Variants in JAKMIP1 observed in about 807,000 individuals in gnomAD.
JAKMIP1 encodes the protein janus kinase and microtubule interacting protein 1.
JAKMIP1 carries 33 observed loss-of-function variants against 113.0 expected under a neutral mutation model. The ratio of observed to expected loss-of-function variants is 0.29; its 90% confidence interval spans 0.22 to 0.39. The LOEUF (loss-of-function observed/expected upper bound fraction) is 0.39. Ranked by LOEUF, JAKMIP1 falls within the 10% of genes least tolerant of loss-of-function variation. JAKMIP1 has a pLI of 1.00. For synonymous variants in JAKMIP1, 480 were observed against 459.9 expected, an observed-to-expected ratio of 1.04 and a Z score of -0.56; for missense variants, 813 against 1,080.5, an observed-to-expected ratio of 0.75 and a Z score of 3.47.
Position 6,042,672 on chromosome 4 carries a change from T to C in JAKMIP1, c.2029-445A>G, listed in dbSNP as rs1246979030. ...GTAAAGACATGGAGGCTGAGTTAAGTAACTTGTCCAAGGTCACACGGGTGC... is the reference window on the plus strand; with the variant it reads ...GTAAAGACATGGAGGCTGAGTTAAGCAACTTGTCCAAGGTCACACGGGTGC... On this transcript the variant is annotated intron_variant, in intron 16 of 20. Transcript: ENST00000409021. This position sits in a 1 kb window ranked among gnomAD's most constrained non-coding sequence, Gnocchi z 5.2. Among the ~76,000 whole-genome samples the C allele has an allele frequency of 6.6e-6, 1 of 151,824 alleles. No homozygotes were observed. Among genetic ancestry groups the C allele is most frequent in the East Asian group, 2.0e-4 (1 of 5,112 alleles).
At chr4:6,169,734 T>C (rs1313854048) in intron 1 of JAKMIP1, among the ~76,000 whole-genome samples, 2 of 151,764 alleles carry the variant, frequency 1.3e-5, no homozygotes. Flanking sequence ...TACCAGGGTT[T>C]GAATCCCAAC....
In JAKMIP1 at chr4:6,080,297, C is replaced by A. The variant is rs199727362; in HGVS notation, c.1117G>T (p.Ala373Ser). 1 of 1,614,004 alleles carries A rather than the reference C, an allele frequency of 6.2e-7. No individual in the cohort carries two copies. The highest frequency in any genetic ancestry group is 2.2e-5 in the East Asian group (1 of 44,882). Reference sequence around the variant, plus strand: ...GTATGCCGCTTCAGAGACGCCTGCGCTGACAGCTTTTCTTTCTGCAGCCAC... The same window carrying A: ...GTATGCCGCTTCAGAGACGCCTGCGATGACAGCTTTTCTTTCTGCAGCCAC... ...ENVEMKEKLS[A>S]QASLKRHTSL... is the part of the protein sequence containing the mutation. Residue 373 changes from alanine to serine, a missense_variant, in exon 7 of 21, where the codon GCG (alanine) becomes TCG (serine). This residue lies in a region of JAKMIP1 where 540 missense variants were observed against 653.9 expected (regional missense o/e 0.83). Coordinates refer to ENST00000409021, the MANE Select transcript of JAKMIP1 (RefSeq NM_001099433.2). The surrounding 1 kb of genome is among the most constrained non-coding windows in gnomAD (Gnocchi z 6.0).
At chr4:6,052,880 C>T (rs1400865606) in intron 13 of JAKMIP1, among the ~76,000 whole-genome samples, 1 of 152,108 alleles carries the variant, frequency 6.6e-6, no homozygotes, top group East Asian at 1.9e-4. Context: ...TCATGCTGAG[C>T]CAAGAGCTGA....
At chr4:6,041,153 T>G (rs557268238) in intron 17 of JAKMIP1, among the ~76,000 whole-genome samples, 1 of 152,294 alleles carries the variant, frequency 6.6e-6, no homozygotes, top group Non-Finnish European at 1.5e-5. Context: ...AGCACACTTC[T>G]CCCTGCCTCC....
chr4:6,100,605 TAC>T (rs773705870), intron 3 of JAKMIP1, among the ~76,000 whole-genome samples: 66 of 152,228 alleles, frequency 4.3e-4, no homozygotes, highest in Non-Finnish European at 7.6e-4. Flanking sequence ...GGAGTAGAAT[TAC>T]AGAGTCCGTA....
Position 6,178,235 on chromosome 4 carries a change from C to T in JAKMIP1, c.-148+22018G>A, listed in dbSNP as rs766993332. On this transcript the variant is annotated intron_variant, in intron 1 of 20. Coordinates refer to ENST00000409021, the MANE Select transcript of JAKMIP1 (RefSeq NM_001099433.2). The surrounding 1 kb of genome is among the most constrained non-coding windows in gnomAD (Gnocchi z 5.5). The stretch of plus-strand genomic sequence containing the variant: ...TGTATCTCATTTTTGAATTGAGAGA[C>T]GTGGCTACCTTTCAGGTAAGCAGCT... 2.0e-5 allele frequency among the ~76,000 whole-genome samples: 3 copies of T among 152,204 alleles called. No individual in the cohort carries two copies. Among genetic ancestry groups the T allele is most frequent in the African/African-American group, 7.2e-5 (3 of 41,464 alleles).
chr4:6,138,434 G>A lies in JAKMIP1; in HGVS notation c.-147-25437C>T, dbSNP rs1014168012. 1.1e-4 allele frequency among the ~76,000 whole-genome samples: 16 copies of A among 151,704 alleles called. No individual in the cohort carries two copies. Among genetic ancestry groups the A allele is most frequent in the African/African-American group, 2.7e-4 (11 of 41,244 alleles). ...GTATTTTTAGTAGAGATGGGGTTTC[G>A]CCATGTTGACCAGGCTGGTCTCAAA... On this transcript the variant is annotated intron_variant, in intron 1 of 20. Coordinates refer to ENST00000409021, the MANE Select transcript of JAKMIP1 (RefSeq NM_001099433.2). This position sits in a 1 kb window ranked among gnomAD's most constrained non-coding sequence, Gnocchi z 6.0.
chr4:6,045,246 C>T (rs73073421), intron 16 of JAKMIP1, among the ~76,000 whole-genome samples: 1 of 152,212 alleles, frequency 6.6e-6, no homozygotes, highest in East Asian at 1.9e-4. Flanking sequence ...CTGGCTGAGG[C>T]CGGTGTCTTT....
In JAKMIP1 at chr4:6,192,663, G is replaced by C. The variant is rs751864696; in HGVS notation, c.-148+7590C>G. Reference sequence around the variant, plus strand: ...AGCAGTGATTACTTATTGCACACCTGCTCTGTGCCAATGCCCAAGGCTGAC... The same window carrying C: ...AGCAGTGATTACTTATTGCACACCTCCTCTGTGCCAATGCCCAAGGCTGAC... On this transcript the variant is annotated intron_variant, in intron 1 of 20. Transcript: ENST00000409021. This position sits in a 1 kb window ranked among gnomAD's most constrained non-coding sequence, Gnocchi z 5.0. Among the ~76,000 whole-genome samples, 1 of 152,208 alleles carries C rather than the reference G, an allele frequency of 6.6e-6. No individual in the cohort carries two copies. The highest frequency in any genetic ancestry group is 1.5e-5 in the Non-Finnish European group (1 of 68,042).
chr4:6,190,060 C>T (rs1458087193), intron 1 of JAKMIP1, among the ~76,000 whole-genome samples: 3 of 152,160 alleles, frequency 2.0e-5, no homozygotes, highest in Non-Finnish European at 4.4e-5. Flanking sequence ...TTCACTCAAT[C>T]CTCCTTTGTA....
Position 6,137,714 on chromosome 4 carries a change from G to T in JAKMIP1, c.-147-24717C>A, listed in dbSNP as rs1719452304. ...GAGACTCCCTTGGAGCTAGGGCTCTGCACATCACTTAGGTTCCATCATTCA... is the reference window on the plus strand; with the variant it reads ...GAGACTCCCTTGGAGCTAGGGCTCTTCACATCACTTAGGTTCCATCATTCA... On this transcript the variant is annotated intron_variant, in intron 1 of 20. Transcript: ENST00000409021. The surrounding 1 kb of genome is among the most constrained non-coding windows in gnomAD (Gnocchi z 4.5). Among the ~76,000 whole-genome samples, 1 of 152,244 alleles carries T rather than the reference G, an allele frequency of 6.6e-6. No homozygotes were observed. The highest frequency in any genetic ancestry group is 2.1e-4 in the South Asian group (1 of 4,832).
chr4:6,056,599 G>A (rs946907783), intron 12 of JAKMIP1, 98 bp downstream of exon 12: 1 of 860,714 alleles, frequency 1.2e-6, no homozygotes, highest in Admixed American at 1.7e-5. Flanking sequence ...TCACTGGAGT[G>A]CCCAAATGGC....
intron 19 of JAKMIP1, 126 bp from the exon 20 acceptor site, chr4:6,029,907 A>G: frequency 1.5e-6 from 1 of 685,596 alleles, no homozygotes. Context: ...CAGCCTGATG[A>G]GCTCTGATAC....
intron 3 of JAKMIP1, among the ~76,000 whole-genome samples, chr4:6,091,354 G>C (rs1223441371): frequency 6.6e-6 from 1 of 152,044 alleles, no homozygotes; most frequent in African/African-American, 2.4e-5. Flanking sequence ...CAAATACACA[G>C]AGTATTTTTT....
In JAKMIP1 at chr4:6,143,245, G is replaced by C. The variant is rs576016268; in HGVS notation, c.-147-30248C>G. ...TGCAGAAAGCACTATCTTAATTTTT[G>C]TTTTTATTTTCCTTTGGATACATTC... On this transcript the variant is annotated intron_variant, in intron 1 of 20. Coordinates refer to ENST00000409021, the MANE Select transcript of JAKMIP1 (RefSeq NM_001099433.2). This position sits in a 1 kb window ranked among gnomAD's most constrained non-coding sequence, Gnocchi z 4.9. Among the ~76,000 whole-genome samples, 1 of 152,204 alleles carries C rather than the reference G, an allele frequency of 6.6e-6. No homozygotes were observed. Among genetic ancestry groups the C allele is most frequent in the East Asian group, 1.9e-4 (1 of 5,188 alleles).
intron 9 of JAKMIP1, among the ~76,000 whole-genome samples, chr4:6,062,869 G>A (rs530544844): frequency 2.3e-4 from 35 of 152,350 alleles, no homozygotes; most frequent in African/African-American, 6.5e-4. Flanking sequence ...AGAGATGGCC[G>A]GGCATGGTGG....
chr4:6,186,742 G>A lies in JAKMIP1; in HGVS notation c.-148+13511C>T, dbSNP rs1004006797. Among the ~76,000 whole-genome samples, 1 of 152,190 alleles carries A rather than the reference G, an allele frequency of 6.6e-6. No homozygotes were observed. The highest frequency in any genetic ancestry group is 2.4e-5 in the African/African-American group (1 of 41,456). On this transcript the variant is annotated intron_variant, in intron 1 of 20. Transcript: ENST00000409021. The surrounding 1 kb of genome is among the most constrained non-coding windows in gnomAD (Gnocchi z 5.5). ...TGCTTCCTTGTTGACCTCCTGTAGA[G>A]TTGTTCTATCTGTTATTGAAAGTGG...
rs56874913 is a variant in JAKMIP1, at chr4:6,084,967, T to TAAAAA, written c.835-7_835-3dup. On this transcript the variant is annotated splice_region_variant and splice_polypyrimidine_tract_variant and intron_variant, in intron 4 of 20. Coordinates refer to ENST00000409021, the MANE Select transcript of JAKMIP1 (RefSeq NM_001099433.2). ...ATCTCGCTCGTCCATATGTTGATCC[T>TAAAAA]AAAAAAAAAAAAAAAAAAAAAAAAA... 440 of 377,856 alleles carry TAAAAA rather than the reference T, an allele frequency of 1.2e-3. 10 individuals carry two copies. The highest frequency in any genetic ancestry group is 3.9e-3 in the South Asian group (40 of 10,322). 23.4% of individuals were successfully genotyped at this position (377,856 alleles called of 1,614,324 possible). A position where few individuals can be genotyped will look rare whatever the true frequency, so the allele number is the denominator to read the frequency against.
rs1726639162 is a variant in JAKMIP1 at position 6,186,207 on chromosome 4, C to G, written c.-148+14046G>C. Reference sequence around the variant, plus strand: ...AGGCTTCCCTGGAGCTTGCCAGGGGCAGGTCAGGCGGATGGGCAGGATGCA... The same window carrying G: ...AGGCTTCCCTGGAGCTTGCCAGGGGGAGGTCAGGCGGATGGGCAGGATGCA... On this transcript the variant is annotated intron_variant, in intron 1 of 20. Coordinates refer to ENST00000409021, the MANE Select transcript of JAKMIP1 (RefSeq NM_001099433.2). The surrounding 1 kb of genome is among the most constrained non-coding windows in gnomAD (Gnocchi z 5.5). Among the ~76,000 whole-genome samples, 1 of 152,156 alleles carries G rather than the reference C, an allele frequency of 6.6e-6. No individual in the cohort carries two copies. Among genetic ancestry groups the G allele is most frequent in the South Asian group, 2.1e-4 (1 of 4,832 alleles).
Sources: gnomAD v4.1 joint callset for allele counts (sites outside exome capture counted in the v4.1 genomes callset) on GRCh38, gnomAD v4.1.1 for gene constraint, gnomAD v4.1.1 regional missense constraint, Gnocchi (gnomAD v3.1) non-coding constraint, MANE v1.5 for transcripts, NCBI Gene and HGNC (gene_info 2026-07-23, HGNC 2026-07-21) for gene names.